Variants in RIMS1 observed in about 807,000 individuals in gnomAD.
The protein encoded by RIMS1 is regulating synaptic membrane exocytosis 1.
Under a neutral mutation model 214.1 loss-of-function variants are expected in RIMS1, and 83 were observed. That is an observed-to-expected ratio of 0.39 (90% CI 0.32 to 0.47). RIMS1 has a LOEUF of 0.47. Among genes scored for constraint, RIMS1 ranks in the 20% least tolerant of loss-of-function variants. RIMS1 has a pLI of 0.99. For synonymous variants in RIMS1, 793 were observed against 786.8 expected (o/e 1.01, Z -0.13); for missense variants, 2,050 against 2,161.8 (o/e 0.95, Z 1.03).
intron 2 of RIMS1, among the ~76,000 whole-genome samples, chr6:72,070,973 C>T (rs942529358): frequency 2.0e-5 from 3 of 152,152 alleles, no homozygotes; most frequent in Non-Finnish European, 1.5e-5. Context: ...TACTTTGTAA[C>T]ATGAAAATTA....
At chr6:71,951,101 T>G (rs918905749) in intron 1 of RIMS1, among the ~76,000 whole-genome samples, 1 of 152,218 alleles carries the variant, frequency 6.6e-6, no homozygotes, top group African/African-American at 2.4e-5. Flanking sequence ...GAAGACGTGA[T>G]AAATCAAAAT....
At chr6:71,964,177 G>A (rs1326449198) in intron 1 of RIMS1, among the ~76,000 whole-genome samples, 1 of 152,144 alleles carries the variant, frequency 6.6e-6, no homozygotes, top group Non-Finnish European at 1.5e-5. Context: ...GAAGTAAGGG[G>A]TTTAGTCATA....
intron 2 of RIMS1, among the ~76,000 whole-genome samples, chr6:71,995,456 G>GTGTGTT (rs1368782661): frequency 7.0e-6 from 1 of 143,762 alleles, no homozygotes; most frequent in African/African-American, 2.9e-5. Flanking sequence ...TATGACGTGT[G>GTGTGTT]TGTGTGTGTG....
At position 72,372,350 on chromosome 6, in the gene RIMS1, G is replaced by A. The variant is rs58497699; in HGVS notation, c.4367-18248G>A. 5.1e-3 allele frequency among the ~76,000 whole-genome samples: 773 copies of A among 152,218 alleles called. 5 individuals carry two copies. The highest frequency in any genetic ancestry group is 0.017 in the African/African-American group (714 of 41,522). On this transcript the variant is annotated intron_variant, in intron 29 of 33. Transcript: ENST00000521978. Reference sequence around the variant, plus strand: ...ATCATTTCTCATCAAAATTGTTAATGTACTCCTGAGATAATTATTTTTGCC... The same window carrying A: ...ATCATTTCTCATCAAAATTGTTAATATACTCCTGAGATAATTATTTTTGCC...
intron 2 of RIMS1, among the ~76,000 whole-genome samples, chr6:72,014,028 A>C (rs1304729008): frequency 1.3e-5 from 2 of 152,228 alleles, no homozygotes; most frequent in Admixed American, 6.5e-5. Context: ...GTATTAGTCC[A>C]TTCTCACACT....
chr6:72,101,913 A>G (rs2033679873), intron 4 of RIMS1, among the ~76,000 whole-genome samples: 1 of 151,978 alleles, frequency 6.6e-6, no homozygotes, highest in Non-Finnish European at 1.5e-5. Context: ...GTCATAAAGA[A>G]TGACTTTGTA....
At chr6:72,284,185 C>CT (rs1591900811) in intron 24 of RIMS1, 67 bp downstream of exon 24, 1 of 1,330,952 alleles carries the variant, frequency 7.5e-7, no homozygotes, top group East Asian at 2.3e-5. Flanking sequence ...TGCTGTCACT[C>CT]TCATTTTACA....
chr6:72,125,685 C>T (rs1242219681), intron 4 of RIMS1, among the ~76,000 whole-genome samples: 3 of 152,234 alleles, frequency 2.0e-5, no homozygotes, highest in African/African-American at 7.2e-5. Context: ...ACTCAAGCCT[C>T]AGCAATGGTG....
chr6:71,907,782 G>A (rs1775693779), intron 1 of RIMS1, among the ~76,000 whole-genome samples: 1 of 152,102 alleles, frequency 6.6e-6, no homozygotes, highest in Non-Finnish European at 1.5e-5. Context: ...AGAAAATCAA[G>A]TGCATGGAAC....
chr6:72,006,893 T>TG (rs1450005658), intron 2 of RIMS1, among the ~76,000 whole-genome samples: 1 of 152,176 alleles, frequency 6.6e-6, no homozygotes, highest in Non-Finnish European at 1.5e-5. Context: ...ACTCCACCTC[T>TG]GGGGGCAGGG....
In RIMS1 at chr6:71,887,041, G is replaced by A. The variant is rs908992707; in HGVS notation, c.18G>A (p.Gly6=). Residue 6 remains glycine (G), a synonymous_variant, in exon 1 of 34, where the codon GGG becomes GGA. Coordinates refer to ENST00000521978, the MANE Select transcript of RIMS1 (RefSeq NM_014989.7). The stretch of plus-strand genomic sequence containing the variant: ...CCACGAAAATGTCCTCGGCCGTGGG[G>A]CCCCGCGGTCCTCGCCCACCCACGG... MSSAV[G]PRGPRPPTVP... The A allele has an allele frequency of 6.2e-7, 1 of 1,613,304 alleles. No individual in the cohort carries two copies. Among genetic ancestry groups the A allele is most frequent in the South Asian group, 1.1e-5 (1 of 90,904 alleles).
At chr6:72,034,892 A>T (rs1429016894) in intron 2 of RIMS1, among the ~76,000 whole-genome samples, 2 of 152,222 alleles carry the variant, frequency 1.3e-5, no homozygotes, top group Non-Finnish European at 2.9e-5. Flanking sequence ...TTGGTTATTT[A>T]AATGAGCAAA....
intron 1 of RIMS1, among the ~76,000 whole-genome samples, chr6:71,951,900 C>T (rs78364059): frequency 0.01 from 1,564 of 152,154 alleles, 29 homozygotes; most frequent in African/African-American, 0.036. Context: ...ACCACACTTG[C>T]CTTTCTTTAT....
At chr6:72,029,465 G>A (rs890833229) in intron 2 of RIMS1, among the ~76,000 whole-genome samples, 3 of 152,026 alleles carry the variant, frequency 2.0e-5, no homozygotes, top group Admixed American at 6.6e-5. Flanking sequence ...AATGGAGGGA[G>A]GTGCCTTGCC....
intron 24 of RIMS1, among the ~76,000 whole-genome samples, chr6:72,285,992 G>A (rs1384703255): frequency 1.3e-5 from 2 of 152,144 alleles, no homozygotes; most frequent in East Asian, 1.9e-4. Flanking sequence ...GAGGTCGGGA[G>A]TTTGAGACTA....
At chr6:72,197,808 C>T (rs2051244070) in intron 6 of RIMS1, among the ~76,000 whole-genome samples, 1 of 151,880 alleles carries the variant, frequency 6.6e-6, no homozygotes, top group Non-Finnish European at 1.5e-5. Context: ...ATGAGGAAGC[C>T]CATACAGCCA....
At chr6:71,930,015 GA>G (rs1451915994) in intron 1 of RIMS1, among the ~76,000 whole-genome samples, 2 of 152,100 alleles carry the variant, frequency 1.3e-5, no homozygotes, top group African/African-American at 4.8e-5. Context: ...GCCAGATTAA[GA>G]TAGACTTGGT....
intron 1 of RIMS1, among the ~76,000 whole-genome samples, chr6:71,922,485 A>G (rs908762365): frequency 2.0e-5 from 3 of 152,168 alleles, no homozygotes; most frequent in Non-Finnish European, 4.4e-5. Context: ...GGCTGCAGTG[A>G]GACATGACCC....
chr6:71,903,437 G>A (rs1022486400), intron 1 of RIMS1, among the ~76,000 whole-genome samples: 5 of 152,092 alleles, frequency 3.3e-5, no homozygotes, highest in African/African-American at 4.8e-5. Flanking sequence ...CAGGATACAG[G>A]CATAGGCAAA....
Sources: allele counts gnomAD v4.1 joint callset (sites outside exome capture counted in the v4.1 genomes callset), GRCh38; gene constraint gnomAD v4.1.1; transcripts MANE v1.5; gene names NCBI Gene and HGNC (gene_info 2026-07-23, HGNC 2026-07-21).